The following MCTP1 variants were observed in gnomAD, a reference collection of about 807,000 sequenced individuals.
MCTP1 encodes multiple C2 and transmembrane domain-containing protein 1.
A neutral mutation model predicts 120.6 loss-of-function variants in MCTP1; 69 were observed. That is an observed-to-expected ratio of 0.57 (90% CI 0.47 to 0.70). The LOEUF (loss-of-function observed/expected upper bound fraction) is 0.70, where lower values mean the gene tolerates loss of function less well. MCTP1 is among the 30% of genes least tolerant of loss of function. The pLI is 0.00. For missense variants in MCTP1, 1,203 were observed against 1,248.8 expected, an observed-to-expected ratio of 0.96 and a Z score of 0.55; for synonymous variants, 529 against 493.1, an observed-to-expected ratio of 1.07 and a Z score of -0.96.
intron 17 of MCTP1, among the ~76,000 whole-genome samples, chr5:94,801,010 T>C (rs1781111876): frequency 6.6e-6 from 1 of 152,044 alleles, no homozygotes; most frequent in Middle Eastern, 3.2e-3. Flanking sequence ...ATGGTTATGA[T>C]TATTAAAATA....
chr5:94,840,876 G>A (rs153852), intron 17 of MCTP1, among the ~76,000 whole-genome samples: 81,340 of 152,094 alleles, frequency 0.53, 24,337 homozygotes, highest in Non-Finnish European at 0.69. Context: ...TACTAAGCAA[G>A]CTGTTTTTGC....
chr5:94,808,514 A>C (rs1455801932), intron 17 of MCTP1, among the ~76,000 whole-genome samples: 1 of 152,182 alleles, frequency 6.6e-6, no homozygotes, highest in Non-Finnish European at 1.5e-5. Flanking sequence ...TGCTCAAAAG[A>C]GCCTCATGTA....
intron 1 of MCTP1, among the ~76,000 whole-genome samples, chr5:95,029,389 T>C (rs1839878250): frequency 6.6e-6 from 1 of 152,120 alleles, no homozygotes; most frequent in Admixed American, 6.5e-5. Context: ...AAAAAGTCCT[T>C]GTGAATTTTC....
chr5:95,117,299 G>A (rs1216162549), intron 1 of MCTP1, among the ~76,000 whole-genome samples: 1 of 150,888 alleles, frequency 6.6e-6, no homozygotes, highest in Admixed American at 6.7e-5. Flanking sequence ...GCTGAGGCCG[G>A]AGAATGGCAT....
At chr5:94,989,013 T>G (rs1372735309) in intron 2 of MCTP1, among the ~76,000 whole-genome samples, 1 of 152,198 alleles carries the variant, frequency 6.6e-6, no homozygotes. Context: ...GTGGGGATTA[T>G]GGGAACTATA....
At chr5:95,219,560 C>T (rs576597937) in intron 1 of MCTP1, among the ~76,000 whole-genome samples, 9 of 152,202 alleles carry the variant, frequency 5.9e-5, no homozygotes, top group East Asian at 3.9e-4. Context: ...GGACTCCCTA[C>T]GGTCTTTAGG....
chr5:94,935,015 T>C (rs960534906), intron 5 of MCTP1, among the ~76,000 whole-genome samples: 1 of 151,916 alleles, frequency 6.6e-6, no homozygotes, highest in Non-Finnish European at 1.5e-5. Flanking sequence ...CTTTTACAGG[T>C]TCAAAAATAG....
chr5:94,906,076 G>A (rs976224994), intron 10 of MCTP1, among the ~76,000 whole-genome samples: 8 of 152,180 alleles, frequency 5.3e-5, no homozygotes, highest in Non-Finnish European at 1.2e-4. Flanking sequence ...CAGGTTAGAC[G>A]AAGGTTGAAA....
In MCTP1 at chr5:94,705,768, T is replaced by TCAAA. The variant is rs1238294782; in HGVS notation, c.*1724_*1727dup. 5 of 150,662 alleles carry TCAAA rather than the reference T, an allele frequency of 3.3e-5. No homozygotes were observed. The highest frequency in any genetic ancestry group is 6.8e-3 in the Middle Eastern group (2 of 294). 9.3% of individuals were successfully genotyped at this position (150,662 alleles called of 1,614,324 possible). A position where few individuals can be genotyped will look rare whatever the true frequency, so the allele number is the denominator to read the frequency against. On this transcript the variant is annotated 3_prime_UTR_variant, in exon 23 of 23. Transcript: ENST00000515393. ...ACATAAGGTATAATTGAAAGTTATT[T>TCAAA]CAAACAGTTATCTCATCAATAAACT...
At chr5:95,065,746 C>T (rs987389387) in intron 1 of MCTP1, among the ~76,000 whole-genome samples, 2 of 152,076 alleles carry the variant, frequency 1.3e-5, no homozygotes, top group Non-Finnish European at 2.9e-5. Context: ...GTTTTAACCA[C>T]AGTATGGATA....
intron 2 of MCTP1, among the ~76,000 whole-genome samples, chr5:94,967,268 T>A (rs1825844949): frequency 6.6e-6 from 1 of 152,214 alleles, no homozygotes; most frequent in African/African-American, 2.4e-5. Flanking sequence ...TGGGTCTTAA[T>A]GGTACCACTT....
intron 19 of MCTP1, among the ~76,000 whole-genome samples, chr5:94,734,605 T>C (rs981155036): frequency 2.0e-5 from 3 of 152,130 alleles, no homozygotes; most frequent in Admixed American, 6.5e-5. Flanking sequence ...CTATAGGCTG[T>C]GCCACTACAC....
chr5:95,071,970 G>T (rs1752270093), intron 1 of MCTP1, among the ~76,000 whole-genome samples: 1 of 152,114 alleles, frequency 6.6e-6, no homozygotes, highest in African/African-American at 2.4e-5. Context: ...AATTTTAATA[G>T]ATCCATGAGA....
intron 1 of MCTP1, among the ~76,000 whole-genome samples, chr5:95,035,713 A>G (rs1841173293): frequency 6.6e-6 from 1 of 152,100 alleles, no homozygotes; most frequent in African/African-American, 2.4e-5. Flanking sequence ...TACCTCTTGA[A>G]TGTGTAATTA....
chr5:95,273,177 A>G (rs915956355), intron 1 of MCTP1, among the ~76,000 whole-genome samples: 2 of 152,378 alleles, frequency 1.3e-5, no homozygotes, highest in African/African-American at 4.8e-5. Context: ...CTGGAGTCCC[A>G]GTGTGGTGTG....
At chr5:95,243,619 G>A (rs537568934) in intron 1 of MCTP1, among the ~76,000 whole-genome samples, 1 of 152,332 alleles carries the variant, frequency 6.6e-6, no homozygotes, top group South Asian at 2.1e-4. Flanking sequence ...TCTGGCTCTA[G>A]TTGGAGAACA....
At chr5:95,184,931 C>T (rs1749030841) in intron 1 of MCTP1, among the ~76,000 whole-genome samples, 1 of 152,184 alleles carries the variant, frequency 6.6e-6, no homozygotes, top group Non-Finnish European at 1.5e-5. Context: ...CAGCATTCCC[C>T]ACTTCCCAAG....
chr5:95,147,143 G>A (rs1760466646), intron 1 of MCTP1, among the ~76,000 whole-genome samples: 1 of 152,194 alleles, frequency 6.6e-6, no homozygotes, highest in South Asian at 2.1e-4. Flanking sequence ...CTGGAGTGCA[G>A]TGGTGTGATC....
intron 19 of MCTP1, among the ~76,000 whole-genome samples, chr5:94,761,381 A>G (rs771762550): frequency 1.3e-5 from 2 of 152,238 alleles, no homozygotes; most frequent in African/African-American, 4.8e-5. Flanking sequence ...TCTTATCTAC[A>G]AGCAAGATAA....
Sources: gnomAD v4.1 joint callset for allele counts (sites outside exome capture counted in the v4.1 genomes callset) on GRCh38, gnomAD v4.1.1 for gene constraint, MANE v1.5 for transcripts, NCBI Gene and HGNC (gene_info 2026-07-23, HGNC 2026-07-21) for gene names.